Variants in FLII observed in about 807,000 individuals in gnomAD.
FLII encodes protein flightless-1 homolog.
Under a neutral mutation model 156.2 loss-of-function variants are expected in FLII, and 101 were observed. The observed-to-expected ratio is 0.65, with a 90% CI of 0.55 to 0.76. The LOEUF is 0.76. Among genes scored for constraint, FLII ranks in the 30% least tolerant of loss-of-function variants. FLII has a pLI of 0.00. For synonymous variants in FLII, 767 were observed against 685.8 expected, an observed-to-expected ratio of 1.12 and a Z score of -1.85; for missense variants, 1,675 against 1,682.8, an observed-to-expected ratio of 1.00 and a Z score of 0.08.
upstream of FLII, chr17:18,258,928 C>A (rs1597930448): frequency 7.6e-6 from 2 of 261,680 alleles, no homozygotes; most frequent in East Asian, 7.2e-5. The surrounding 1 kb of genome is among the most constrained non-coding windows in gnomAD (Gnocchi z 4.2). Context: ...GAGGCTTCCA[C>A]GATCTCCAGG....
chr17:18,247,560 G>C, intron 20 of FLII, 97 bp downstream of exon 20: 5 of 1,225,054 alleles, frequency 4.1e-6, no homozygotes, highest in Non-Finnish European at 5.6e-6. Flanking sequence ...AGGTGGGTTT[G>C]GGCCCAGCTC....
At chr17:18,251,069 C>T in intron 13 of FLII, 52 bp from the exon 14 acceptor site, 1 of 1,559,600 alleles carries the variant, frequency 6.4e-7, no homozygotes, top group Non-Finnish European at 8.7e-7. Flanking sequence ...CTTCCGGCCA[C>T]CCCGGAGACG....
rs750421831 is a variant in FLII, at chr17:18,254,166, T to C, written c.592A>G (p.Thr198Ala). 2.5e-6 allele frequency: 4 copies of C among 1,607,884 alleles called. No individual in the cohort carries two copies. The highest frequency in any genetic ancestry group is 1.1e-5 in the South Asian group (1 of 90,520). ...CGCAGGTGCAGGGTCTGCAGGGCCG[T>C]CATCGCTGGGAGCTGCCTGCCAGGG... ...HAQLRQLPAM[T>A]ALQTLHLRST... The change falls in exon 7 of 30, where the codon ACG (threonine) becomes GCG (alanine). Residue 198 changes from threonine to alanine, a missense_variant. Coordinates refer to ENST00000327031, the MANE Select transcript of FLII (RefSeq NM_002018.4).
In FLII at chr17:18,258,415, C is replaced by T. The variant is rs1228802565; in HGVS notation, c.63+213G>A. The T allele has an allele frequency of 4.2e-6, 6 of 1,415,828 alleles. No homozygotes were observed. Among genetic ancestry groups the T allele is most frequent in the East Asian group, 2.8e-5 (1 of 35,338 alleles). 87.7% of individuals were successfully genotyped at this position (1,415,828 alleles called of 1,614,324 possible). On this transcript the variant is annotated intron_variant, in intron 1 of 29. Transcript: ENST00000327031. The surrounding 1 kb of genome is among the most constrained non-coding windows in gnomAD (Gnocchi z 4.2). ...CGGGACTCCGAGCCCAAGCGTCCGT[C>T]CCCGGCCTGCCCAGCCTCGGTCTCC... is the stretch of plus-strand genomic sequence containing the variant.
In FLII at chr17:18,256,936, G is replaced by A. The variant is rs374055307; in HGVS notation, c.147C>T (p.Pro49=). The change falls in exon 2 of 30, where the codon CCC becomes CCT. Residue 49 remains proline (P), a synonymous_variant. Transcript: ENST00000327031. ...GCTTCTGCAGGGCGGCCAGCTCCTC[G>A]GGCAGGTAGCAGAGGCCAGTGCGGT... ...KLNRTGLCYL[P]EELAALQKLE... is the part of the protein sequence containing the mutation. 1.4e-5 allele frequency: 22 copies of A among 1,610,846 alleles called. No individual in the cohort carries two copies. Among genetic ancestry groups the A allele is most frequent in the Admixed American group, 5.0e-5 (3 of 59,766 alleles).
intron 3 of FLII, among the ~76,000 whole-genome samples, chr17:18,255,691 G>A (rs781244557): frequency 2.0e-4 from 31 of 152,160 alleles, no homozygotes; most frequent in Non-Finnish European, 1.3e-4. Flanking sequence ...ATACCTTACA[G>A]ACATGCAGAA....
At chr17:18,247,894 G>A in intron 19 of FLII, 35 bp downstream of exon 19, 1 of 1,613,196 alleles carries the variant, frequency 6.2e-7, no homozygotes, top group South Asian at 1.1e-5. Flanking sequence ...AACGGGGAGG[G>A]ATCTGGCCCC....
Position 18,248,578 on chromosome 17 carries a change from A to T in FLII, c.2162T>A (p.Phe721Tyr), listed in dbSNP as rs1567709309. The change falls in exon 18 of 30, where the codon TTC becomes TAC. Residue 721 changes from phenylalanine to tyrosine, a missense_variant. By Grantham distance (22) the Phe-to-Tyr change is conservative. Coordinates refer to ENST00000327031, the MANE Select transcript of FLII (RefSeq NM_002018.4). Reference protein sequence around the residue: ...SEIKKHVPEDFWPPQPKLYKV... With the variant: ...SEIKKHVPEDYWPPQPKLYKV... ...GTACAGCTTGGGCTGCGGCGGCCAG[A>T]AGTCTTCAGGCACGTGCTTCTTGAT... is the stretch of plus-strand genomic sequence containing the variant. 1.2e-6 allele frequency: 2 copies of T among 1,612,178 alleles called. No homozygotes were observed. Among genetic ancestry groups the T allele is most frequent in the Non-Finnish European group, 1.7e-6 (2 of 1,179,298 alleles).
chr17:18,248,501 C>G (rs201768971), intron 18 of FLII, 49 bp downstream of exon 18: 63 of 1,537,586 alleles, frequency 4.1e-5, no homozygotes, highest in Admixed American at 3.0e-4. Flanking sequence ...TTCCCCCAGT[C>G]GGTGGGTGAA....
chr17:18,246,338 A>C lies in FLII; in HGVS notation c.3176T>G (p.Ile1059Ser). 6.2e-7 allele frequency: 1 copy of C among 1,613,852 alleles called. No individual in the cohort carries two copies. Among genetic ancestry groups the C allele is most frequent in the Non-Finnish European group, 8.5e-7 (1 of 1,179,998 alleles). The change falls in exon 24 of 30, where the codon ATC becomes AGC. Residue 1059 changes from isoleucine (I) to serine (S), a missense_variant. By Grantham distance (142) the Ile-to-Ser change is moderately radical. Coordinates refer to ENST00000327031, the MANE Select transcript of FLII (RefSeq NM_002018.4). ...GCAGAGGGCGCTGCCGTTGGTGCGGATCTGGTAGAGGCTGGGCTGTTGGGC... is the reference window on the plus strand; with the variant it reads ...GCAGAGGGCGCTGCCGTTGGTGCGGCTCTGGTAGAGGCTGGGCTGTTGGGC... ...QGAQQPSLYQIRTNGSALCTR... is the reference protein window; with the variant it reads ...QGAQQPSLYQSRTNGSALCTR...
chr17:18,254,129 C>T lies in FLII; in HGVS notation c.629G>A (p.Arg210His), dbSNP rs769224827. 4.3e-6 allele frequency: 7 copies of T among 1,611,526 alleles called. No homozygotes were observed. The highest frequency in any genetic ancestry group is 4.5e-5 in the East Asian group (2 of 44,798). The change falls in exon 7 of 30, where the codon CGC (arginine) becomes CAC (histidine). Residue 210 changes from arginine to histidine, a missense_variant. Arg to His is a conservative substitution (Grantham distance 29). This residue lies in a region of FLII where 343 missense variants were observed against 413.5 expected (regional missense o/e 0.83). Coordinates refer to ENST00000327031, the MANE Select transcript of FLII (RefSeq NM_002018.4). ...LQTLHLRSTQRTQSNLPTSLE... is the reference protein window; with the variant it reads ...LQTLHLRSTQHTQSNLPTSLE... ...GCTGGTGGGCAGGTTGCTCTGGGTG[C>T]GCTGGGTGCTCCGCAGGTGCAGGGT...
chr17:18,247,398 T>C, intron 20 of FLII, 41 bp from the exon 21 acceptor site: 1 of 1,543,198 alleles, frequency 6.5e-7, no homozygotes, highest in Non-Finnish European at 8.8e-7. Flanking sequence ...GGGTGCGGCA[T>C]GATTAGAGTT....
Position 18,252,057 on chromosome 17 carries a change from CA to C in FLII, c.1187del (p.Leu396ArgfsTer7), listed in dbSNP as rs1312884934. On this transcript the variant is annotated frameshift_variant, in exon 11 of 30. Transcript: ENST00000327031. LOFTEE classifies it high-confidence loss of function. ...CACCCGCTAGCCGCAGCTGGTTCTGCAGCGAGAAGTCGATGTTGTACCACTC... is the reference window on the plus strand; with the variant it reads ...CACCCGCTAGCCGCAGCTGGTTCTGCGCGAGAAGTCGATGTTGTACCACTC... ...AAEWYNIDFS[L>X]QNQLRLAGAS... The C allele has an allele frequency of 6.2e-7, 1 of 1,613,214 alleles. No individual in the cohort carries two copies. The highest frequency in any genetic ancestry group is 8.5e-7 in the Non-Finnish European group (1 of 1,180,042).
In FLII at chr17:18,245,842, G is replaced by C; in HGVS notation, c.3405C>G (p.Asn1135Lys). The change falls in exon 27 of 30, where the codon AAC becomes AAG. Residue 1135 changes from asparagine (N) to lysine (K), a missense_variant. Physicochemically the swap from Asn to Lys is moderately conservative, Grantham distance 94 (BLOSUM62 0). Around this residue, in one of 2 missense-constraint regions of FLII, gnomAD observed 1,332 missense variants for 1,269.3 expected, o/e 1.05. Transcript: ENST00000327031. ...AGAAGTTCTCAGGCTCCTCACCTTC[G>C]TTGATAACCTGCGGGAAAGGCCAGT... ...FDTSYSKQVI[N>K]EGEEPENFFW... 6.2e-7 allele frequency: 1 copy of C among 1,613,894 alleles called. No homozygotes were observed. The highest frequency in any genetic ancestry group is 2.2e-5 in the East Asian group (1 of 44,848).
chr17:18,250,546 CCT>C (rs1386487123), intron 14 of FLII, among the ~76,000 whole-genome samples: 4 of 152,192 alleles, frequency 2.6e-5, no homozygotes, highest in African/African-American at 7.2e-5. Context: ...TCTCAGCTCC[CCT>C]GTGTCAGCCC....
intron 25 of FLII, 26 bp from the exon 26 acceptor site, chr17:18,246,088 G>A (rs1189220384): frequency 6.2e-7 from 1 of 1,614,090 alleles, no homozygotes; most frequent in Admixed American, 1.7e-5. Context: ...GGGTGGGGGT[G>A]TTCGCAGCTG....
At chr17:18,248,109 ACCAGCCCTGCCCT>A (rs1411846952) in intron 18 of FLII, 76 bp from the exon 19 acceptor site, 6 of 1,016,494 alleles carry the variant, frequency 5.9e-6, no homozygotes, top group Non-Finnish European at 9.0e-6. Context: ...CTGCTCTGGA[ACCAGCCCTGCCCT>A]GCAGCGTGGC....
intron 1 of FLII, chr17:18,257,291 G>C: frequency 2.2e-6 from 1 of 449,886 alleles, no homozygotes. Flanking sequence ...TGTTTCAGGT[G>C]AAAGCCCAGC....
Position 18,253,223 on chromosome 17 carries a change from C to T in FLII, c.1013+78G>A. On this transcript the variant is annotated intron_variant, in intron 9 of 29. Transcript: ENST00000327031. ...TTCATTTTGTCTGACTTGCACAGAC[C>T]ACAAGGTGGGCTCTGACTACGATCC... The T allele has an allele frequency of 2.0e-6, 3 of 1,485,606 alleles. No homozygotes were observed. In the South Asian group the frequency reaches 3.5e-5, roughly 17 times the overall value. 92.0% of individuals were successfully genotyped at this position (1,485,606 alleles called of 1,614,324 possible).
Sources: allele counts gnomAD v4.1 joint callset (sites outside exome capture counted in the v4.1 genomes callset), GRCh38; gene constraint gnomAD v4.1.1; regional missense constraint gnomAD v4.1.1; non-coding constraint Gnocchi (gnomAD v3.1); transcripts MANE v1.5; gene names NCBI Gene and HGNC (gene_info 2026-07-23, HGNC 2026-07-21).